The following CACNA1A variants were observed in gnomAD, a reference collection of about 807,000 sequenced individuals.
CACNA1A encodes calcium voltage-gated channel subunit alpha1 A, also known as voltage-dependent P/Q-type calcium channel subunit alpha-1A.
CACNA1A carries 57 observed loss-of-function variants against 262.4 expected under a neutral mutation model. The observed-to-expected ratio is 0.22, with a 90% CI of 0.18 to 0.27. The LOEUF is 0.27. Among genes scored for constraint, CACNA1A ranks in the 10% least tolerant of loss-of-function variants. The pLI is 1.00. For missense variants in CACNA1A, 2,526 were observed against 3,562.8 expected, an observed-to-expected ratio of 0.71 and a Z score of 7.41; for synonymous variants, 1,431 against 1,419.3, an observed-to-expected ratio of 1.01 and a Z score of -0.18.
chr19:13,376,796 TAC>T (rs2059419496), intron 3 of CACNA1A, among the ~76,000 whole-genome samples: 1 of 144,868 alleles, frequency 6.9e-6, no homozygotes, highest in Admixed American at 6.9e-5. Context: ...GTGACATATA[TAC>T]ACATAATATA....
At chr19:13,448,601 C>T (rs1471944760) in intron 3 of CACNA1A, among the ~76,000 whole-genome samples, 1 of 152,200 alleles carries the variant, frequency 6.6e-6, no homozygotes, top group Admixed American at 6.5e-5. Context: ...CCCCAGGGAG[C>T]ATGAATTGGC....
At chr19:13,468,346 T>C (rs1167673506) in intron 1 of CACNA1A, among the ~76,000 whole-genome samples, 1 of 152,060 alleles carries the variant, frequency 6.6e-6, no homozygotes, top group Non-Finnish European at 1.5e-5. Flanking sequence ...CCTGATTCAA[T>C]TTTCAACCAC....
intron 7 of CACNA1A, 82 bp from the exon 8 acceptor site, chr19:13,334,575 GTGTGTGTGTGTGTGTGTT>G: frequency 1.5e-6 from 1 of 665,812 alleles, no homozygotes; most frequent in Non-Finnish European, 2.7e-6. Context: ...GTGTGTGTGT[GTGTGTGTGTGTGTGTGTT>G]TGTGTGTGTG....
intron 1 of CACNA1A, among the ~76,000 whole-genome samples, chr19:13,479,117 T>G (rs1978935638): frequency 6.6e-6 from 1 of 152,292 alleles, no homozygotes; most frequent in South Asian, 2.1e-4. Flanking sequence ...GAGGTTGCAG[T>G]GAGCCCAGAT....
intron 6 of CACNA1A, among the ~76,000 whole-genome samples, chr19:13,336,594 G>GGGGAGAGAGA (rs1555768097): frequency 1.5e-5 from 1 of 65,494 alleles, no homozygotes; most frequent in African/African-American, 5.1e-5. Context: ...AGAGAGAGAG[G>GGGGAGAGAGA]GAGAGAGAGA....
rs1196739807 is a variant in CACNA1A at position 13,334,561 on chromosome 19, T to TTGTGTGTGTG, written c.1083-78_1083-69dup. On this transcript the variant is annotated intron_variant, in intron 7 of 46. Transcript: ENST00000360228. ...TGTTAGGAAACGTTTGTGTGTGTGTTTGTGTGTGTGTGTGTGTGTGTGTGT... is the reference window on the plus strand; with the variant it reads ...TGTTAGGAAACGTTTGTGTGTGTGTTTGTGTGTGTGTGTGTGTGTGTGTGTGTGTGTGTGT... 127 of 312,684 alleles carry TTGTGTGTGTG rather than the reference T, an allele frequency of 4.1e-4. 1 individual carries two copies. The highest frequency in any genetic ancestry group is 2.7e-3 in the African/African-American group (85 of 31,404). The allele number at this position is 312,684 out of a possible 1,614,324, so 19.4% of individuals were successfully genotyped here. A position where few individuals can be genotyped will look rare whatever the true frequency, so the allele number is the denominator to read the frequency against.
chr19:13,478,942 G>A (rs1182295661), intron 1 of CACNA1A, among the ~76,000 whole-genome samples: 1 of 152,224 alleles, frequency 6.6e-6, no homozygotes, highest in Non-Finnish European at 1.5e-5. Flanking sequence ...GGAAGGCTGA[G>A]GTGGGTGGAT....
chr19:13,342,644 T>A (rs10402415), intron 6 of CACNA1A, among the ~76,000 whole-genome samples: 6,324 of 151,974 alleles, frequency 0.042, 414 homozygotes, highest in African/African-American at 0.14. Flanking sequence ...GAGGAGTGAG[T>A]GGAAATAGCT....
intron 1 of CACNA1A, among the ~76,000 whole-genome samples, chr19:13,468,484 T>C (rs902547373): frequency 6.6e-6 from 1 of 152,172 alleles, no homozygotes; most frequent in Non-Finnish European, 1.5e-5. Context: ...ATCTACTTCA[T>C]GGTTTAAACT....
chr19:13,386,085 A>G (rs2074003767), intron 3 of CACNA1A, among the ~76,000 whole-genome samples: 1 of 151,390 alleles, frequency 6.6e-6, no homozygotes, highest in Non-Finnish European at 1.5e-5. Context: ...TGGCAGGTCG[A>G]GGCAGCAGTG....
At chr19:13,338,090 G>A (rs915723934) in intron 6 of CACNA1A, among the ~76,000 whole-genome samples, 2 of 152,226 alleles carry the variant, frequency 1.3e-5, no homozygotes, top group African/African-American at 2.4e-5. Context: ...GCCTGGTGAC[G>A]GGCGCCTGTA....
intron 18 of CACNA1A, among the ~76,000 whole-genome samples, chr19:13,299,761 C>T (rs1319385650): frequency 6.6e-6 from 1 of 152,170 alleles, no homozygotes; most frequent in Non-Finnish European, 1.5e-5. Context: ...AGTGGCTCCT[C>T]CCTCACCTCC....
chr19:13,236,290 G>A lies in CACNA1A; in HGVS notation c.4951-560C>T, dbSNP rs543294385. Among the ~76,000 whole-genome samples, 7 of 152,232 alleles carry A rather than the reference G, an allele frequency of 4.6e-5. No homozygotes were observed. Among genetic ancestry groups the A allele is most frequent in the African/African-American group, 1.4e-4 (6 of 41,550 alleles). On this transcript the variant is annotated intron_variant, in intron 31 of 46. Coordinates refer to ENST00000360228, the MANE Select transcript of CACNA1A (RefSeq NM_001127222.2). This position sits in a 1 kb window ranked among gnomAD's most constrained non-coding sequence, Gnocchi z 4.6. ...GGGTTCCGAGGGCATGTTACGCTCCGGGCCAGAAATGCATCTGTCACGGGA... is the reference window on the plus strand; with the variant it reads ...GGGTTCCGAGGGCATGTTACGCTCCAGGCCAGAAATGCATCTGTCACGGGA...
At chr19:13,263,159 C>T in intron 24 of CACNA1A, 1 of 272,976 alleles carries the variant, frequency 3.7e-6, no homozygotes, top group Non-Finnish European at 7.1e-6. Flanking sequence ...ACCCCCATTT[C>T]TGCACAGCTT....
intron 12 of CACNA1A, among the ~76,000 whole-genome samples, chr19:13,312,364 A>C (rs2058051576): frequency 6.6e-6 from 1 of 152,194 alleles, no homozygotes; most frequent in Admixed American, 6.5e-5. Context: ...TTGGGTACTT[A>C]GTTGGAGCGA....
chr19:13,275,588 G>C, intron 24 of CACNA1A: 1 of 515,794 alleles, frequency 1.9e-6, no homozygotes, highest in African/African-American at 1.9e-5. Flanking sequence ...CACAGCAAGG[G>C]GCCAGTGATG....
At chr19:13,315,628 A>G (rs1249226960) in intron 11 of CACNA1A, 2 of 152,256 alleles carry the variant, frequency 1.3e-5, no homozygotes, top group East Asian at 3.8e-4. Context: ...AACAATTACT[A>G]AGTTTGAAAC....
At chr19:13,399,775 C>T (rs1483979376) in intron 3 of CACNA1A, among the ~76,000 whole-genome samples, 1 of 152,168 alleles carries the variant, frequency 6.6e-6, no homozygotes, top group Non-Finnish European at 1.5e-5. Flanking sequence ...ACATCATGGT[C>T]ATGTTTCATA....
At chr19:13,340,035 C>T (rs2058650042) in intron 6 of CACNA1A, among the ~76,000 whole-genome samples, 1 of 152,164 alleles carries the variant, frequency 6.6e-6, no homozygotes, top group African/African-American at 2.4e-5. Flanking sequence ...TCCCATTTCT[C>T]AGGGCTAAAT....
Sources: gnomAD v4.1 joint callset for allele counts (sites outside exome capture counted in the v4.1 genomes callset) on GRCh38, gnomAD v4.1.1 for gene constraint, Gnocchi (gnomAD v3.1) non-coding constraint, MANE v1.5 for transcripts, NCBI Gene and HGNC (gene_info 2026-07-23, HGNC 2026-07-21) for gene names.